CLNK: variants seen among roughly 807,000 people sequenced by gnomAD.
CLNK encodes the protein cytokine-dependent hematopoietic cell linker.
In CLNK, 74 loss-of-function variants were observed where a neutral mutation model predicts 68.6. The observed-to-expected ratio is 1.08, with a 90% CI of 0.89 to 1.31. The LOEUF is 1.31. Among genes scored for constraint, CLNK ranks in the 50% most tolerant of loss-of-function variants. The probability of loss-of-function intolerance (pLI) is 0.00; values close to 1 mark genes in which losing one functional copy is unlikely to be tolerated. For synonymous variants in CLNK, 198 were observed against 172.2 expected, an observed-to-expected ratio of 1.15 and a Z score of -1.17; for missense variants, 553 against 515.3, an observed-to-expected ratio of 1.07 and a Z score of -0.71.
the CLNK span, among the ~76,000 whole-genome samples, chr4:10,729,271 T>A: frequency 2.0e-5 from 3 of 152,136 alleles, no homozygotes; most frequent in African/African-American, 7.2e-5. Context: ...ATAACAGATG[T>A]TGGAGAGGGT....
intron 2 of CLNK, among the ~76,000 whole-genome samples, chr4:10,658,781 T>C (rs1385250209): frequency 6.6e-6 from 1 of 152,240 alleles, no homozygotes; most frequent in African/African-American, 2.4e-5. Context: ...TGGTCAAAAC[T>C]GCTGTAGGCC....
At chr4:10,539,328 G>A (rs1481043339) in intron 11 of CLNK, among the ~76,000 whole-genome samples, 1 of 152,136 alleles carries the variant, frequency 6.6e-6, no homozygotes, top group Admixed American at 6.6e-5. Context: ...CACAGAAGGA[G>A]GAATGACATT....
intron 1 of CLNK, among the ~76,000 whole-genome samples, chr4:10,669,557 T>TTCCA (rs2108894838): frequency 6.6e-6 from 1 of 152,302 alleles, no homozygotes; most frequent in Admixed American, 6.5e-5. Context: ...GGTTGGTAGC[T>TTCCA]GGGATGTTGG....
upstream of CLNK, among the ~76,000 whole-genome samples, chr4:10,685,813 C>T (rs1725250348): frequency 6.6e-6 from 1 of 152,100 alleles, no homozygotes; most frequent in South Asian, 2.1e-4. Flanking sequence ...ATGTAAAATC[C>T]CATTTTGTAA....
chr4:10,699,252 C>CGTATGTGTGTATACACACACACACACCAT, the CLNK span, among the ~76,000 whole-genome samples: 4 of 59,956 alleles, frequency 6.7e-5, 1 homozygote, highest in African/African-American at 2.2e-4. Flanking sequence ...ATACACACCA[C>CGTATGTGTGTATACACACACACACACCAT]GTATGTGTGT....
chr4:10,507,569 T>C (rs1717361217), intron 17 of CLNK, among the ~76,000 whole-genome samples: 1 of 152,088 alleles, frequency 6.6e-6, no homozygotes, highest in African/African-American at 2.4e-5. Context: ...GTTCAAGTGA[T>C]TCTCGTGTCT....
chr4:10,698,062 G>C, the CLNK span, among the ~76,000 whole-genome samples: 1 of 152,140 alleles, frequency 6.6e-6, no homozygotes, highest in Non-Finnish European at 1.5e-5. Flanking sequence ...GCTGCAATAA[G>C]CAGATTGTAG....
At chr4:10,661,133 G>C (rs1402480906) in intron 2 of CLNK, among the ~76,000 whole-genome samples, 2 of 152,170 alleles carry the variant, frequency 1.3e-5, no homozygotes, top group South Asian at 2.1e-4. Context: ...CAAAGTGAAG[G>C]TGCCCCTGGA....
Position 10,593,957 on chromosome 4 carries a change from C to T in CLNK, c.83+4021G>A, listed in dbSNP as rs534495474. Among the ~76,000 whole-genome samples the T allele has an allele frequency of 3.9e-5, 6 of 152,230 alleles. No individual in the cohort carries two copies. In the East Asian group the frequency reaches 5.8e-4, roughly 15 times the overall value. ...AAGATGTGGATTAGAATCTTGGTGC[C>T]ACTGCTCAGTACAGAGAGGACTTGG... On this transcript the variant is annotated intron_variant, in intron 3 of 18. Coordinates refer to ENST00000226951, the MANE Select transcript of CLNK (RefSeq NM_052964.4).
At chr4:10,671,882 T>TC (rs1474790557) in intron 1 of CLNK, among the ~76,000 whole-genome samples, 1 of 152,064 alleles carries the variant, frequency 6.6e-6, no homozygotes, top group Non-Finnish European at 1.5e-5. Context: ...AGAAACAGCT[T>TC]CCCCCCAACT....
chr4:10,673,059 T>C (rs890641548), intron 1 of CLNK, among the ~76,000 whole-genome samples: 1 of 152,228 alleles, frequency 6.6e-6, no homozygotes. Flanking sequence ...AATTTGATCA[T>C]GGAAAAGTTT....
At chr4:10,641,539 C>T (rs1723306935) in intron 2 of CLNK, among the ~76,000 whole-genome samples, 1 of 152,136 alleles carries the variant, frequency 6.6e-6, no homozygotes. Context: ...ATGTGCTGCC[C>T]AGAACCCCTT....
chr4:10,582,805 A>C (rs187451460), intron 4 of CLNK, among the ~76,000 whole-genome samples: 2 of 152,244 alleles, frequency 1.3e-5, no homozygotes, highest in African/African-American at 2.4e-5. Context: ...CTGTTACCAC[A>C]AATAATCCAA....
At chr4:10,586,478 C>T (rs1441841212) in intron 3 of CLNK, among the ~76,000 whole-genome samples, 2 of 151,788 alleles carry the variant, frequency 1.3e-5, no homozygotes, top group Admixed American at 1.3e-4. Flanking sequence ...CCACGCCTGG[C>T]TAATTTTTGT....
At chr4:10,638,664 C>T (rs1349546830) in intron 2 of CLNK, among the ~76,000 whole-genome samples, 2 of 152,212 alleles carry the variant, frequency 1.3e-5, no homozygotes, top group Admixed American at 6.5e-5. Context: ...AGTTGCCCAC[C>T]TGTGTTTCTT....
chr4:10,717,337 T>C, the CLNK span, among the ~76,000 whole-genome samples: 1 of 152,222 alleles, frequency 6.6e-6, no homozygotes, highest in Non-Finnish European at 1.5e-5. Context: ...GGCTCACGCC[T>C]GTAATCCCAG....
At chr4:10,707,161 G>C in the CLNK span, among the ~76,000 whole-genome samples, 1 of 152,050 alleles carries the variant, frequency 6.6e-6, no homozygotes, top group African/African-American at 2.4e-5. Flanking sequence ...TGGCTTCCCT[G>C]GGCCACATTG....
intron 2 of CLNK, among the ~76,000 whole-genome samples, chr4:10,608,778 C>T (rs913480069): frequency 3.4e-4 from 52 of 152,278 alleles, no homozygotes; most frequent in African/African-American, 1.1e-3. Flanking sequence ...AACAAATTAC[C>T]ATAGGCTGGG....
chr4:10,672,605 C>T (rs1395259057), intron 1 of CLNK, among the ~76,000 whole-genome samples: 2 of 152,114 alleles, frequency 1.3e-5, no homozygotes, highest in African/African-American at 4.8e-5. Context: ...TAAGCATCTG[C>T]TAATAACCAC....
Sources: gnomAD v4.1 joint callset for allele counts (sites outside exome capture counted in the v4.1 genomes callset) on GRCh38, gnomAD v4.1.1 for gene constraint, MANE v1.5 for transcripts, NCBI Gene and HGNC (gene_info 2026-07-23, HGNC 2026-07-21) for gene names.